Variants in FHOD1 observed in about 807,000 individuals in gnomAD.
The protein encoded by FHOD1 is formin homology 2 domain containing 1, also known as FH1/FH2 domain-containing protein 1.
In FHOD1, 89 loss-of-function variants were observed where a neutral mutation model predicts 111.6. That is an observed-to-expected ratio of 0.80 (90% confidence interval 0.67 to 0.95). FHOD1 has a LOEUF of 0.95. Among genes scored for constraint, FHOD1 ranks in the 40% least tolerant of loss-of-function variants. The pLI is 0.00. For missense variants in FHOD1, 1,446 were observed against 1,554.2 expected, an observed-to-expected ratio of 0.93 and a Z score of 1.17; for synonymous variants, 618 against 639.0, an observed-to-expected ratio of 0.97 and a Z score of 0.50.
rs923053258 is a variant in FHOD1 at position 67,229,485 on chromosome 16, C to T, written c.*151G>A. The T allele has an allele frequency of 4.3e-6, 3 of 695,182 alleles. No individual in the cohort carries two copies. The African/African-American group carries it at 5.3e-5, about 12-fold the overall frequency. 43.1% of individuals were successfully genotyped at this position (695,182 alleles called of 1,614,324 possible). On this transcript the variant is annotated 3_prime_UTR_variant, in exon 22 of 22. Coordinates refer to ENST00000258201, the MANE Select transcript of FHOD1 (RefSeq NM_013241.3). Reference sequence around the variant, plus strand: ...ATGCACACACACACATACACACACACTCACATGCATACACACACGGCTAAT... The same window carrying T: ...ATGCACACACACACATACACACACATTCACATGCATACACACACGGCTAAT...
chr16:67,245,669 C>G (rs993425919), intron 1 of FHOD1, among the ~76,000 whole-genome samples: 4 of 150,770 alleles, frequency 2.7e-5, no homozygotes, highest in African/African-American at 9.7e-5. Flanking sequence ...TGCTAGAACC[C>G]GGGAGGTGGA....
Position 67,229,886 on chromosome 16 carries a change from T to C in FHOD1, c.3319A>G (p.Ile1107Val), listed in dbSNP as rs1380453437. The change falls in exon 21 of 22, where the codon ATC becomes GTC. Residue 1107 changes from isoleucine (I) to valine (V), a missense_variant. Transcript: ENST00000258201. Reference protein sequence around the residue: ...SSLPSDTSDEIMDLLVQSVTK... With the variant: ...SSLPSDTSDEVMDLLVQSVTK... The stretch of plus-strand genomic sequence containing the variant: ...ACTGACTGCACCAGAAGGTCCATGA[T>C]CTCATCTGATGTATCACTGGGTAAA... The C allele has an allele frequency of 6.2e-7, 1 of 1,614,182 alleles. No homozygotes were observed. The highest frequency in any genetic ancestry group is 8.5e-7 in the Non-Finnish European group (1 of 1,180,020).
chr16:67,236,491 G>A, intron 11 of FHOD1, 66 bp downstream of exon 11: 1 of 1,573,952 alleles, frequency 6.4e-7, no homozygotes, highest in South Asian at 1.2e-5. Flanking sequence ...AGTGCCCATG[G>A]AGGGGCGCAA....
chr16:67,244,582 C>T (rs2034757986), intron 1 of FHOD1, among the ~76,000 whole-genome samples: 1 of 152,098 alleles, frequency 6.6e-6, no homozygotes, highest in Non-Finnish European at 1.5e-5. Context: ...AAGGAAGCCC[C>T]CAGGGGAACT....
chr16:67,246,949 C>T (rs1184754379), intron 1 of FHOD1: 8 of 487,292 alleles, frequency 1.6e-5, no homozygotes, highest in African/African-American at 1.6e-4. Flanking sequence ...GAGTGGAACT[C>T]GAGCACCTCC....
chr16:67,235,765 C>A (rs2034453347), intron 11 of FHOD1, among the ~76,000 whole-genome samples: 1 of 152,156 alleles, frequency 6.6e-6, no homozygotes, highest in Non-Finnish European at 1.5e-5. Context: ...AGAATGAGCC[C>A]CAGGTTGGGT....
rs73588997 is a variant in FHOD1, at chr16:67,237,934, T to C, written c.642+100A>G. The C allele has an allele frequency of 1.1e-3, 1,550 of 1,397,608 alleles. 10 individuals are homozygous for C. In the African/African-American group the frequency reaches 0.016, roughly 14 times the overall value. 86.6% of individuals were successfully genotyped at this position (1,397,608 alleles called of 1,614,324 possible). A position where few individuals can be genotyped will look rare whatever the true frequency, so the allele number is the denominator to read the frequency against. On this transcript the variant is annotated intron_variant, in intron 6 of 21. Coordinates refer to ENST00000258201, the MANE Select transcript of FHOD1 (RefSeq NM_013241.3). The surrounding 1 kb of genome is among the most constrained non-coding windows in gnomAD (Gnocchi z 5.6). Reference sequence around the variant, plus strand: ...AGTGCCTTATAGGCTTACAGAGGCCTCAGACTCACTCCCTTCCAGCTCACT... The same window carrying C: ...AGTGCCTTATAGGCTTACAGAGGCCCCAGACTCACTCCCTTCCAGCTCACT...
Position 67,231,221 on chromosome 16 carries a change from A to G in FHOD1, c.2634T>C (p.Tyr878=), listed in dbSNP as rs1412182884. 6.2e-7 allele frequency: 1 copy of G among 1,614,214 alleles called. No homozygotes were observed. Among genetic ancestry groups the G allele is most frequent in the Non-Finnish European group, 8.5e-7 (1 of 1,180,028 alleles). ...AGCGGGTCAGGGCAGGGATTTCTGA[A>G]TAGAGGTCAGAGGACTCAGGCCGGG... is the stretch of plus-strand genomic sequence containing the variant. ...LQTRPESSDL[Y]SEIPALTRCA... The change falls in exon 17 of 22, where the codon TAT becomes TAC. Residue 878 remains tyrosine (Y), a synonymous_variant. Transcript: ENST00000258201. This position sits in a 1 kb window ranked among gnomAD's most constrained non-coding sequence, Gnocchi z 4.3.
In FHOD1 at chr16:67,233,914, G is replaced by A. The variant is rs370608943; in HGVS notation, c.1789C>T (p.Pro597Ser). 44 of 1,569,808 alleles carry A rather than the reference G, an allele frequency of 2.8e-5. No individual in the cohort carries two copies. The African/African-American group carries it at 5.8e-4, about 21-fold the overall frequency. Residue 597 changes from proline (P) to serine (S), a missense_variant, in exon 13 of 22, where the codon CCC (proline) becomes TCC (serine). By Grantham distance (74) the Pro-to-Ser change is moderately conservative. Around this residue, in one of 3 missense-constraint regions of FHOD1, gnomAD observed 1,085 missense variants for 1,108.8 expected, o/e 0.98. Transcript: ENST00000258201. ...GGTAGAGGTGGAGGTGGTGGGAAGG[G>A]GCCTTTGATGGGTGGGGGAGGTGGA... ...PLPPPPPIKG[P>S]FPPPPPLPLA...
intron 1 of FHOD1, among the ~76,000 whole-genome samples, chr16:67,244,852 T>C (rs1459995051): frequency 1.3e-5 from 2 of 152,148 alleles, no homozygotes; most frequent in African/African-American, 4.8e-5. Context: ...GATGCCCTGG[T>C]TTCTGGGCCA....
At position 67,237,285 on chromosome 16, in the gene FHOD1, G is replaced by T. The variant is rs370846681; in HGVS notation, c.947C>A (p.Thr316Asn). Residue 316 changes from threonine to asparagine, a missense_variant, in exon 9 of 22, where the codon ACT becomes AAT. Thr to Asn is a moderately conservative substitution (Grantham distance 65). This residue lies in a region of FHOD1 where 234 missense variants were observed against 327.4 expected (regional missense o/e 0.71). Transcript: ENST00000258201. This position sits in a 1 kb window ranked among gnomAD's most constrained non-coding sequence, Gnocchi z 5.6. ...MEALVQRHLG[T>N]AGTDVDLRTQ... ...GCGCAGGTCGACGTCAGTGCCCGCA[G>T]TGCCCAGGTGGCGCTGGACCAGCGC... 74 of 1,613,850 alleles carry T rather than the reference G, an allele frequency of 4.6e-5. No individual in the cohort carries two copies. The highest frequency in any genetic ancestry group is 6.2e-5 in the Non-Finnish European group (73 of 1,180,042).
rs750414011 is a variant in FHOD1 at position 67,238,401 on chromosome 16, G to A, written c.420C>T (p.Phe140=). Reference sequence around the variant, plus strand: ...TCACCTGGAAGATCTGCTTCAGTGAGAAGAGGGAGCGGCGGAGCTCAGGAC... The same window carrying A: ...TCACCTGGAAGATCTGCTTCAGTGAAAAGAGGGAGCGGCGGAGCTCAGGAC... ...SSGPELRRSL[F]SLKQIFQEDK... Residue 140 remains phenylalanine, a synonymous_variant, in exon 4 of 22, where the codon TTC becomes TTT. Coordinates refer to ENST00000258201, the MANE Select transcript of FHOD1 (RefSeq NM_013241.3). The surrounding 1 kb of genome is among the most constrained non-coding windows in gnomAD (Gnocchi z 4.2). 4.3e-6 allele frequency: 7 copies of A among 1,614,172 alleles called. No homozygotes were observed. The highest frequency in any genetic ancestry group is 1.1e-5 in the South Asian group (1 of 91,070).
chr16:67,237,712 G>C lies in FHOD1; in HGVS notation c.699C>G (p.Ser233=). Residue 233 remains serine (S), a synonymous_variant, in exon 7 of 22, where the codon TCC becomes TCG. Coordinates refer to ENST00000258201, the MANE Select transcript of FHOD1 (RefSeq NM_013241.3). This position sits in a 1 kb window ranked among gnomAD's most constrained non-coding sequence, Gnocchi z 5.6. ...GGATGAACAGCGGTGCGTTGTTTTC[G>C]GAGTATTCTACAAACACCAACAGCA... ...LKLLLVFVEY[S]ENNAPLFIRA... is the part of the protein sequence containing the mutation. The C allele has an allele frequency of 6.2e-7, 1 of 1,614,146 alleles. No individual in the cohort carries two copies. The highest frequency in any genetic ancestry group is 1.1e-5 in the South Asian group (1 of 91,082).
intron 17 of FHOD1, 42 bp from the exon 18 acceptor site, chr16:67,230,833 T>G (rs183151381): frequency 1.3e-6 from 2 of 1,535,502 alleles, no homozygotes; most frequent in East Asian, 2.3e-5. Flanking sequence ...CCCCACACCC[T>G]GTAGACAAGA....
At chr16:67,239,644 G>A (rs919803024) in intron 1 of FHOD1, among the ~76,000 whole-genome samples, 190 bp from the exon 2 acceptor site, 2 of 152,204 alleles carry the variant, frequency 1.3e-5, no homozygotes, top group Non-Finnish European at 2.9e-5. Context: ...TCAGGCACCA[G>A]GCTTTCTTGG....
At chr16:67,239,582 T>C in intron 1 of FHOD1, 128 bp from the exon 2 acceptor site, 2 of 688,206 alleles carry the variant, frequency 2.9e-6, no homozygotes, top group Non-Finnish European at 5.2e-6. Context: ...CAGCTGTGCA[T>C]TCCTTCAGCA....
In FHOD1 at chr16:67,229,609, C is replaced by T; in HGVS notation, c.*27G>A. ...ATCTCCTGCACTGCAGTCCAGGGTC[C>T]AGATAGATTTCCGGGATACAGCACC... is the stretch of plus-strand genomic sequence containing the variant. On this transcript the variant is annotated 3_prime_UTR_variant, in exon 22 of 22. Transcript: ENST00000258201. 1 of 1,603,894 alleles carries T rather than the reference C, an allele frequency of 6.2e-7. No homozygotes were observed. The highest frequency in any genetic ancestry group is 8.5e-7 in the Non-Finnish European group (1 of 1,170,728).
At chr16:67,234,793 TCTCACTCTGTCA>T in intron 11 of FHOD1, 1 of 300,672 alleles carries the variant, frequency 3.3e-6, no homozygotes, top group Non-Finnish European at 6.4e-6. Flanking sequence ...AGAGACAGGG[TCTCACTCTGTCA>T]GTCACCCAGG....
Position 67,230,809 on chromosome 16 carries a change from T to G in FHOD1, c.2668-18A>C. 6.4e-7 allele frequency: 1 copy of G among 1,566,022 alleles called. No individual in the cohort carries two copies. Among genetic ancestry groups the G allele is most frequent in the South Asian group, 1.2e-5 (1 of 83,264 alleles). ...AAGTCCACCTGAGAAAGCAAGGGGG[T>G]GCACATACTGTCCCCCCACACCCTG... is the stretch of plus-strand genomic sequence containing the variant. On this transcript the variant is annotated intron_variant, in intron 17 of 21. Coordinates refer to ENST00000258201, the MANE Select transcript of FHOD1 (RefSeq NM_013241.3).
Sources: gnomAD v4.1 joint callset for allele counts (sites outside exome capture counted in the v4.1 genomes callset) on GRCh38, gnomAD v4.1.1 for gene constraint, gnomAD v4.1.1 regional missense constraint, Gnocchi (gnomAD v3.1) non-coding constraint, MANE v1.5 for transcripts, NCBI Gene and HGNC (gene_info 2026-07-23, HGNC 2026-07-21) for gene names.